Variants in NSD3 observed in about 807,000 individuals in gnomAD.
NSD3 encodes nuclear receptor binding SET domain protein 3.
Under a neutral mutation model 160.8 loss-of-function variants are expected in NSD3, and 24 were observed. The observed-to-expected ratio is 0.15, with a 90% CI of 0.11 to 0.21. The LOEUF is 0.21. Among genes scored for constraint, NSD3 ranks in the 10% least tolerant of loss-of-function variants. The probability of loss-of-function intolerance (pLI) is 1.00; values close to 1 mark genes in which losing one functional copy is unlikely to be tolerated. For missense variants in NSD3, 1,157 were observed against 1,735.9 expected (o/e 0.67, Z 5.93); for synonymous variants, 520 against 600.0 (o/e 0.87, Z 1.95).
At chr8:38,307,123 A>AAAAAT (rs1554524039) in intron 12 of NSD3, among the ~76,000 whole-genome samples, 8 of 139,854 alleles carry the variant, frequency 5.7e-5, no homozygotes, top group African/African-American at 1.8e-4. Flanking sequence ...TCAAAAAAAA[A>AAAAAT]AAAAATAAAA....
intron 22 of NSD3, 133 bp from the exon 23 acceptor site, chr8:38,276,633 T>TA: frequency 1.2e-6 from 1 of 852,634 alleles, no homozygotes; most frequent in Non-Finnish European, 1.8e-6. Context: ...CAGGAGGCCT[T>TA]ATGCTGCAAC....
At chr8:38,299,826 A>T in intron 14 of NSD3, 1 of 357,064 alleles carries the variant, frequency 2.8e-6, no homozygotes, top group Non-Finnish European at 4.9e-6. Context: ...TCTGCAGAAG[A>T]AAACTTCAAA....
chr8:38,311,490 C>G lies in NSD3; in HGVS notation c.2242+3157G>C, dbSNP rs185287364. On this transcript the variant is annotated intron_variant, in intron 12 of 23. Transcript: ENST00000317025. ...TATAGGCATGTGCCACCATGCCCAGCTAATTTTGTATTTTTAGTAGAGATG... is the reference window on the plus strand; with the variant it reads ...TATAGGCATGTGCCACCATGCCCAGGTAATTTTGTATTTTTAGTAGAGATG... Among the ~76,000 whole-genome samples the G allele has an allele frequency of 1.6e-3, 243 of 152,120 alleles. 2 individuals carry two copies. The highest frequency in any genetic ancestry group is 5.5e-3 in the African/African-American group (228 of 41,500).
Position 38,317,647 on chromosome 8 carries a change from T to C in NSD3, c.1855+1248A>G, listed in dbSNP as rs1381574851. 3 of 1,200,442 alleles carry C rather than the reference T, an allele frequency of 2.5e-6. No homozygotes were observed. The highest frequency in any genetic ancestry group is 7.9e-5 in the East Asian group (2 of 25,176). The allele number at this position is 1,200,442 out of a possible 1,614,324, so 74.4% of individuals were successfully genotyped here. On this transcript the variant is annotated intron_variant, in intron 9 of 23. Transcript: ENST00000317025. This position sits in a 1 kb window ranked among gnomAD's most constrained non-coding sequence, Gnocchi z 5.3. ...CCCTGCAGATGTGCATTAATGATGCTTTATTTAAAAACAAAAAACCAAAAA... is the reference window on the plus strand; with the variant it reads ...CCCTGCAGATGTGCATTAATGATGCCTTATTTAAAAACAAAAAACCAAAAA...
At chr8:38,365,661 C>T (rs527504496) in intron 1 of NSD3, among the ~76,000 whole-genome samples, 374 of 152,104 alleles carry the variant, frequency 2.5e-3, no homozygotes, top group African/African-American at 8.7e-3. Flanking sequence ...TTAGTAGAGA[C>T]GGGGTTTCCG....
chr8:38,350,954 A>G (rs1810679074), intron 1 of NSD3, among the ~76,000 whole-genome samples: 1 of 151,182 alleles, frequency 6.6e-6, no homozygotes, highest in African/African-American at 2.4e-5. Flanking sequence ...AATCCAACAA[A>G]CATTTCTTCT....
chr8:38,330,965 A>G (rs1810043769), intron 5 of NSD3, among the ~76,000 whole-genome samples: 9 of 152,246 alleles, frequency 5.9e-5, no homozygotes, highest in Admixed American at 5.9e-4. Context: ...GTTATGAATA[A>G]TAAGTGAGTT....
chr8:38,361,079 G>A (rs1414355260), intron 1 of NSD3, among the ~76,000 whole-genome samples: 1 of 152,092 alleles, frequency 6.6e-6, no homozygotes, highest in Admixed American at 6.5e-5. Context: ...AGGCTGCAGT[G>A]CAGCGGCACA....
intron 1 of NSD3, 68 bp from the exon 2 acceptor site, chr8:38,348,283 A>G: frequency 7.8e-7 from 1 of 1,273,918 alleles, no homozygotes; most frequent in Non-Finnish European, 1.1e-6. Context: ...ATCAACTGAA[A>G]AAGGATTAAA....
chr8:38,357,698 C>T (rs768302250), intron 1 of NSD3, among the ~76,000 whole-genome samples: 26 of 152,094 alleles, frequency 1.7e-4, no homozygotes, highest in African/African-American at 6.0e-4. Context: ...TTCTTAAGAG[C>T]AGGAAGTAAT....
chr8:38,360,997 G>A (rs1235869601), intron 1 of NSD3, among the ~76,000 whole-genome samples: 1 of 152,174 alleles, frequency 6.6e-6, no homozygotes, highest in African/African-American at 2.4e-5. Flanking sequence ...AAAAGCATAA[G>A]AAGGACCACT....
intron 20 of NSD3, chr8:38,279,927 T>C (rs1279305672): frequency 9.2e-6 from 4 of 433,286 alleles, no homozygotes; most frequent in African/African-American, 2.0e-5. Flanking sequence ...TAGAAACAAA[T>C]AGACCATGGA....
Position 38,321,220 on chromosome 8 carries a change from T to A in NSD3, c.1709-48A>T. 1.3e-6 allele frequency: 2 copies of A among 1,486,588 alleles called. No individual in the cohort carries two copies. The highest frequency in any genetic ancestry group is 1.8e-6 in the Non-Finnish European group (2 of 1,082,500). 92.1% of individuals were successfully genotyped at this position (1,486,588 alleles called of 1,614,324 possible). A position where few individuals can be genotyped will look rare whatever the true frequency, so the allele number is the denominator to read the frequency against. ...AAACAAAAACTCACTTAAGGATACCTTGACATCTATGTAATTAAGATATGA... is the reference window on the plus strand; with the variant it reads ...AAACAAAAACTCACTTAAGGATACCATGACATCTATGTAATTAAGATATGA... On this transcript the variant is annotated intron_variant, in intron 7 of 23. Transcript: ENST00000317025. The surrounding 1 kb of genome is among the most constrained non-coding windows in gnomAD (Gnocchi z 4.7).
Position 38,289,380 on chromosome 8 carries a change from G to A in NSD3, c.3231+13C>T. On this transcript the variant is annotated intron_variant, in intron 18 of 23. Transcript: ENST00000317025. The stretch of plus-strand genomic sequence containing the variant: ...TTTTATTTGGCAATCCCAGGCCAGA[G>A]ATAAAGACTTACTTTGATGTGTTTG... The A allele has an allele frequency of 6.2e-7, 1 of 1,601,200 alleles. No individual in the cohort carries two copies. The highest frequency in any genetic ancestry group is 8.5e-7 in the Non-Finnish European group (1 of 1,173,450).
intron 1 of NSD3, among the ~76,000 whole-genome samples, chr8:38,354,878 C>G (rs1490514192): frequency 6.6e-6 from 1 of 152,136 alleles, no homozygotes; most frequent in East Asian, 1.9e-4. Flanking sequence ...GTTATATTTT[C>G]TAGAAACCGT....
intron 5 of NSD3, among the ~76,000 whole-genome samples, chr8:38,330,451 T>C (rs1036942849): frequency 1.3e-5 from 2 of 152,128 alleles, no homozygotes; most frequent in Admixed American, 6.5e-5. Flanking sequence ...AGAAAAAAGG[T>C]AGACCTGAAT....
intron 19 of NSD3, among the ~76,000 whole-genome samples, chr8:38,283,845 G>A (rs1367400499): frequency 2.6e-5 from 4 of 152,092 alleles, no homozygotes; most frequent in African/African-American, 9.7e-5. Context: ...GGCTCATGCT[G>A]TAATCCTAGC....
chr8:38,303,315 C>A, intron 14 of NSD3: 1 of 985,406 alleles, frequency 1.0e-6, no homozygotes, highest in Non-Finnish European at 1.2e-6. Context: ...TATTTGCCCA[C>A]CTGTTACGAT....
chr8:38,340,191 G>C (rs1003788135), intron 2 of NSD3, among the ~76,000 whole-genome samples: 1 of 151,682 alleles, frequency 6.6e-6, no homozygotes, highest in Non-Finnish European at 1.5e-5. Flanking sequence ...TTAAAAAGAG[G>C]GTATAGCCAT....
Sources: allele counts gnomAD v4.1 joint callset (sites outside exome capture counted in the v4.1 genomes callset), GRCh38; gene constraint gnomAD v4.1.1; non-coding constraint Gnocchi (gnomAD v3.1); transcripts MANE v1.5; gene names NCBI Gene and HGNC (gene_info 2026-07-23, HGNC 2026-07-21).